GPC6: variants seen among roughly 807,000 people sequenced by gnomAD.
GPC6 encodes the protein glypican 6.
A neutral mutation model predicts 55.2 loss-of-function variants in GPC6; 14 were observed. The observed-to-expected ratio is 0.25, with a 90% CI of 0.17 to 0.40. GPC6 has a LOEUF of 0.40. GPC6 is among the 10% of genes least tolerant of loss of function. The pLI is 1.00. For missense variants in GPC6, 641 were observed against 708.5 expected, an observed-to-expected ratio of 0.90 and a Z score of 1.08; for synonymous variants, 278 against 259.6, an observed-to-expected ratio of 1.07 and a Z score of -0.68.
chr13:94,145,426 G>A (rs1037202292), intron 4 of GPC6, among the ~76,000 whole-genome samples: 5 of 152,186 alleles, frequency 3.3e-5, no homozygotes, highest in East Asian at 1.9e-4. Flanking sequence ...AGAATAAGTA[G>A]GAATGTCAGC....
In GPC6 at chr13:93,962,777, C is replaced by G. The variant is rs184830517; in HGVS notation, c.712-64952C>G. On this transcript the variant is annotated intron_variant, in intron 3 of 8. Coordinates refer to ENST00000377047, the MANE Select transcript of GPC6 (RefSeq NM_005708.5). ...TATTATTATAAATTAAATATGATCG[C>G]TTTTTTGCTCTTTGGACAGAAAATG... is the stretch of plus-strand genomic sequence containing the variant. Among the ~76,000 whole-genome samples, 23 of 152,168 alleles carry G rather than the reference C, an allele frequency of 1.5e-4. No homozygotes were observed. In the East Asian group the frequency reaches 4.4e-3, roughly 29 times the overall value.
chr13:93,847,023 G>C lies in GPC6; in HGVS notation c.711+16478G>C, dbSNP rs901601339. Among the ~76,000 whole-genome samples the C allele has an allele frequency of 3.3e-5, 5 of 152,212 alleles. No homozygotes were observed. The South Asian group carries it at 1.0e-3, about 32-fold the overall frequency. Reference sequence around the variant, plus strand: ...TTATTTCACGATTATTCATACACAAGGAAAATGGAGAAATATTCTGTCTTT... The same window carrying C: ...TTATTTCACGATTATTCATACACAACGAAAATGGAGAAATATTCTGTCTTT... On this transcript the variant is annotated intron_variant, in intron 3 of 8. Coordinates refer to ENST00000377047, the MANE Select transcript of GPC6 (RefSeq NM_005708.5).
intron 3 of GPC6, among the ~76,000 whole-genome samples, chr13:93,982,866 C>G (rs1276114652): frequency 6.6e-6 from 1 of 152,260 alleles, no homozygotes; most frequent in African/African-American, 2.4e-5. Context: ...CATAGCTATA[C>G]TCAAAAGATT....
intron 3 of GPC6, among the ~76,000 whole-genome samples, chr13:94,011,270 A>G (rs1462797543): frequency 6.6e-6 from 1 of 152,124 alleles, no homozygotes. Flanking sequence ...TCTACATCAA[A>G]TATTTTATAA....
intron 3 of GPC6, among the ~76,000 whole-genome samples, chr13:93,980,837 A>G (rs1594639509): frequency 6.6e-6 from 1 of 152,048 alleles, no homozygotes; most frequent in East Asian, 1.9e-4. Flanking sequence ...CTGAAACCAT[A>G]TCTGTGCTGG....
intron 3 of GPC6, among the ~76,000 whole-genome samples, chr13:93,865,797 AAAG>A (rs1418048025): frequency 6.6e-6 from 1 of 151,750 alleles, no homozygotes; most frequent in African/African-American, 2.4e-5. Context: ...ATTTAAGGCA[AAAG>A]AAGAACTGAT....
At chr13:93,413,061 A>G (rs1018663037) in intron 1 of GPC6, among the ~76,000 whole-genome samples, 5 of 152,222 alleles carry the variant, frequency 3.3e-5, no homozygotes, top group African/African-American at 1.2e-4. Context: ...GATGTTGTTT[A>G]TAAAGACAGA....
Position 93,949,975 on chromosome 13 carries a change from G to A in GPC6, c.712-77754G>A, listed in dbSNP as rs533249362. On this transcript the variant is annotated intron_variant, in intron 3 of 8. Coordinates refer to ENST00000377047, the MANE Select transcript of GPC6 (RefSeq NM_005708.5). ...ACTCCTGAGCTCAAGTGGTCCACTC[G>A]CCTTGGCCTCCCAAAGTGGACTACA... Among the ~76,000 whole-genome samples, 3 of 152,176 alleles carry A rather than the reference G, an allele frequency of 2.0e-5. 1 individual carries two copies. The East Asian group carries it at 5.8e-4, about 29-fold the overall frequency.
chr13:94,382,749 G>A (rs574638864), intron 7 of GPC6, among the ~76,000 whole-genome samples, 199 bp downstream of exon 7: 35 of 152,308 alleles, frequency 2.3e-4, no homozygotes, highest in African/African-American at 5.1e-4. Flanking sequence ...GCCATTAAGC[G>A]TGGAATCCTC....
rs577249862 is a variant in GPC6 at position 93,361,756 on chromosome 13, T to TA, written c.160+134141dup. 7.2e-5 allele frequency among the ~76,000 whole-genome samples: 11 copies of TA among 152,254 alleles called. No homozygotes were observed. The South Asian group carries it at 2.1e-3, about 29-fold the overall frequency. The stretch of plus-strand genomic sequence containing the variant: ...CTAACAGACAGAGATAAATGAAAGA[T>TA]ACAGGAACAGCAGTAGTGGTTAGGC... On this transcript the variant is annotated intron_variant, in intron 1 of 8. Coordinates refer to ENST00000377047, the MANE Select transcript of GPC6 (RefSeq NM_005708.5).
intron 1 of GPC6, among the ~76,000 whole-genome samples, chr13:93,382,866 T>G (rs1288635037): frequency 6.6e-6 from 1 of 152,218 alleles, no homozygotes; most frequent in African/African-American, 2.4e-5. Context: ...TAAAGCAATA[T>G]TTTCTTCATT....
In GPC6 at chr13:94,303,247, C is replaced by T. The variant is rs139461074; in HGVS notation, c.1009-2733C>T. Among the ~76,000 whole-genome samples, 547 of 152,312 alleles carry T rather than the reference C, an allele frequency of 3.6e-3. 11 individuals carry two copies. In the East Asian group the frequency reaches 0.067, roughly 19 times the overall value. On this transcript the variant is annotated intron_variant, in intron 5 of 8. Transcript: ENST00000377047. ...CTGGCTGGAATGCCTGGGTTTATAT[C>T]CCGATCATTGTCCCTCCCCCTGTGC... is the stretch of plus-strand genomic sequence containing the variant.
intron 3 of GPC6, among the ~76,000 whole-genome samples, chr13:93,841,615 C>G (rs1227377666): frequency 6.6e-6 from 1 of 152,150 alleles, no homozygotes; most frequent in Non-Finnish European, 1.5e-5. Flanking sequence ...ATAACGGTGA[C>G]TCTAACATTC....
At chr13:94,067,580 T>C (rs1255563436) in intron 4 of GPC6, among the ~76,000 whole-genome samples, 1 of 43,828 alleles carries the variant, frequency 2.3e-5, no homozygotes, top group African/African-American at 1.1e-4. Flanking sequence ...AGATAGATTA[T>C]AGATAGATAG....
chr13:94,101,775 A>C (rs1457502310), intron 4 of GPC6, among the ~76,000 whole-genome samples: 1 of 151,872 alleles, frequency 6.6e-6, no homozygotes, highest in African/African-American at 2.4e-5. Context: ...AATGCATCTT[A>C]TTTGGGAACC....
intron 4 of GPC6, among the ~76,000 whole-genome samples, chr13:94,180,427 A>T (rs544910855): frequency 6.6e-6 from 1 of 152,320 alleles, no homozygotes; most frequent in South Asian, 2.1e-4. Context: ...GATCAACTGA[A>T]TGCAGTCTTT....
intron 4 of GPC6, among the ~76,000 whole-genome samples, chr13:94,270,964 ATTTTTTTTTTTTTTTTTTTTTTTTTTTT>A (rs764819082): frequency 4.0e-5 from 2 of 49,578 alleles, no homozygotes; most frequent in Non-Finnish European, 7.4e-5. Flanking sequence ...GAGAAGTATA[ATTTTTTTTTTTTTTTTTTTTTTTTTTTT>A]TTTTTTTTTT....
chr13:93,266,672 T>G (rs1376736776), intron 1 of GPC6, among the ~76,000 whole-genome samples: 1 of 152,158 alleles, frequency 6.6e-6, no homozygotes, highest in Non-Finnish European at 1.5e-5. Flanking sequence ...TGTATTAAGG[T>G]TTTCTCTCAA....
intron 3 of GPC6, among the ~76,000 whole-genome samples, chr13:93,941,641 T>C (rs1321792503): frequency 6.6e-6 from 1 of 152,226 alleles, no homozygotes; most frequent in African/African-American, 2.4e-5. Context: ...TCCACATGAA[T>C]GAACCAAGAC....
Sources: gnomAD v4.1 joint callset for allele counts (sites outside exome capture counted in the v4.1 genomes callset) on GRCh38, gnomAD v4.1.1 for gene constraint, MANE v1.5 for transcripts, NCBI Gene and HGNC (gene_info 2026-07-23, HGNC 2026-07-21) for gene names.